The following USP12 variants were observed in gnomAD, a reference collection of about 807,000 sequenced individuals.
USP12 encodes ubiquitin carboxyl-terminal hydrolase 12.
A neutral mutation model predicts 45.5 loss-of-function variants in USP12; 19 were observed. The ratio of observed to expected loss-of-function variants is 0.42; its 90% CI spans 0.29 to 0.61. The LOEUF is 0.61. Among genes scored for constraint, USP12 ranks in the 20% least tolerant of loss-of-function variants. The pLI is 0.22. For synonymous variants in USP12, 149 were observed against 148.8 expected (o/e 1.00, Z -0.01); for missense variants, 242 against 447.7 (o/e 0.54, Z 4.15).
chr13:27,140,761 CCA>C (rs1877016067), intron 1 of USP12, among the ~76,000 whole-genome samples: 2 of 151,938 alleles, frequency 1.3e-5, no homozygotes, highest in African/African-American at 2.4e-5. Context: ...ACTTAAAATT[CCA>C]GTTTTTCAAA....
intron 2 of USP12, among the ~76,000 whole-genome samples, chr13:27,111,269 A>T (rs1387044459): frequency 6.6e-6 from 1 of 152,138 alleles, no homozygotes; most frequent in Non-Finnish European, 1.5e-5. Context: ...CTTGATTTTT[A>T]ATATTAACTT....
intron 6 of USP12, among the ~76,000 whole-genome samples, chr13:27,078,766 A>C (rs1211687819): frequency 2.0e-5 from 3 of 152,118 alleles, no homozygotes; most frequent in Non-Finnish European, 4.4e-5. Context: ...CAAGTGCATA[A>C]TCAGAATTGG....
intron 2 of USP12, among the ~76,000 whole-genome samples, chr13:27,114,613 C>T (rs993483219): frequency 6.6e-6 from 1 of 152,050 alleles, no homozygotes; most frequent in Non-Finnish European, 1.5e-5. Flanking sequence ...GAGTAAGCTG[C>T]CATAAGAGCC....
At chr13:27,170,676 A>G (rs1878551724) in intron 1 of USP12, among the ~76,000 whole-genome samples, 1 of 152,204 alleles carries the variant, frequency 6.6e-6, no homozygotes, top group Non-Finnish European at 1.5e-5. Flanking sequence ...TTTCCCTTAC[A>G]GTCTATTTAA....
At chr13:27,120,066 A>C (rs1190940605) in intron 1 of USP12, among the ~76,000 whole-genome samples, 1 of 152,236 alleles carries the variant, frequency 6.6e-6, no homozygotes, top group African/African-American at 2.4e-5. Flanking sequence ...TTCAACACCA[A>C]AGTTAGATAT....
intron 2 of USP12, 117 bp downstream of exon 2, chr13:27,116,399 G>T: frequency 1.2e-6 from 1 of 805,858 alleles, no homozygotes; most frequent in Non-Finnish European, 1.8e-6. Flanking sequence ...AAGTCTCTTA[G>T]CATTTAATTC....
intron 1 of USP12, among the ~76,000 whole-genome samples, chr13:27,134,880 A>G (rs1196399962): frequency 6.6e-6 from 1 of 152,244 alleles, no homozygotes; most frequent in African/African-American, 2.4e-5. Context: ...ACCATCAAAA[A>G]TGAATTTTAA....
intron 4 of USP12, 47 bp downstream of exon 4, chr13:27,095,553 AC>A (rs1874536665): frequency 7.4e-7 from 1 of 1,345,176 alleles, no homozygotes; most frequent in Non-Finnish European, 1.0e-6. Flanking sequence ...ACAACCTTTA[AC>A]ATAGTAATTC....
At chr13:27,137,033 T>C (rs578017725) in intron 1 of USP12, among the ~76,000 whole-genome samples, 5 of 152,280 alleles carry the variant, frequency 3.3e-5, no homozygotes, top group African/African-American at 1.2e-4. Flanking sequence ...TAAAGCAAAA[T>C]ACATGATTAA....
intron 1 of USP12, among the ~76,000 whole-genome samples, chr13:27,161,290 T>A (rs1489953365): frequency 6.6e-6 from 1 of 152,210 alleles, no homozygotes; most frequent in African/African-American, 2.4e-5. Flanking sequence ...TGGACTAAGA[T>A]AATCACATAC....
At chr13:27,094,063 G>C (rs1273506389) in intron 4 of USP12, among the ~76,000 whole-genome samples, 1 of 151,886 alleles carries the variant, frequency 6.6e-6, no homozygotes, top group African/African-American at 2.4e-5. Flanking sequence ...CAGCACAACT[G>C]TCACAGTAAA....
chr13:27,085,199 G>T (rs1873957224), intron 6 of USP12, among the ~76,000 whole-genome samples: 1 of 150,010 alleles, frequency 6.7e-6, no homozygotes. Flanking sequence ...TTGAGATGGA[G>T]TCTCGCTCTG....
At chr13:27,140,177 A>G (rs954441934) in intron 1 of USP12, among the ~76,000 whole-genome samples, 1 of 152,248 alleles carries the variant, frequency 6.6e-6, no homozygotes, top group African/African-American at 2.4e-5. Context: ...AGAATAAACA[A>G]AAAGACATAA....
chr13:27,163,602 C>CTTG (rs142667765), intron 1 of USP12, among the ~76,000 whole-genome samples: 2,622 of 151,920 alleles, frequency 0.017, 79 homozygotes, highest in African/African-American at 0.061. Context: ...GGTTTTCAAT[C>CTTG]TTCTCATCAG....
chr13:27,113,911 A>G (rs1202206379), intron 2 of USP12, among the ~76,000 whole-genome samples: 4 of 152,234 alleles, frequency 2.6e-5, no homozygotes, highest in Non-Finnish European at 5.9e-5. Flanking sequence ...CCAAAAATGG[A>G]AAGTTTCATT....
intron 2 of USP12, among the ~76,000 whole-genome samples, chr13:27,111,533 G>T (rs886273211): frequency 5.3e-5 from 8 of 152,082 alleles, no homozygotes; most frequent in African/African-American, 7.2e-5. Context: ...TTGATTTTTT[G>T]ATTGCTTAGT....
chr13:27,075,105 T>C, intron 7 of USP12, 86 bp downstream of exon 7: 2 of 1,311,572 alleles, frequency 1.5e-6, no homozygotes, highest in Non-Finnish European at 2.1e-6. Flanking sequence ...AAAAGTTCTA[T>C]ATATGAATAA....
chr13:27,097,898 A>G (rs991892769), intron 3 of USP12, among the ~76,000 whole-genome samples: 1 of 151,906 alleles, frequency 6.6e-6, no homozygotes, highest in Non-Finnish European at 1.5e-5. Context: ...ACATAATGAG[A>G]TATTTTGGGG....
chr13:27,127,082 A>G (rs533113420), intron 1 of USP12, among the ~76,000 whole-genome samples: 1 of 152,306 alleles, frequency 6.6e-6, no homozygotes, highest in East Asian at 1.9e-4. Context: ...CTTGGTCTAT[A>G]CTTCCTCCTC....
Sources: allele counts gnomAD v4.1 joint callset (sites outside exome capture counted in the v4.1 genomes callset), GRCh38; gene constraint gnomAD v4.1.1; transcripts MANE v1.5; gene names NCBI Gene and HGNC (gene_info 2026-07-23, HGNC 2026-07-21).